PDE1A: variants seen among roughly 807,000 people sequenced by gnomAD.
The protein encoded by PDE1A is phosphodiesterase 1A, also known as dual specificity calcium/calmodulin-dependent 3',5'-cyclic nucleotide phosphodiesterase 1A.
PDE1A carries 35 observed loss-of-function variants against 61.7 expected under a neutral mutation model. The observed-to-expected ratio is 0.57, with a 90% CI of 0.43 to 0.75. The LOEUF (loss-of-function observed/expected upper bound fraction) is 0.75. Ranked by LOEUF, PDE1A falls within the 30% of genes least tolerant of loss-of-function variation. PDE1A has a pLI of 0.00. For synonymous variants in PDE1A, 232 were observed against 213.2 expected (o/e 1.09, Z -0.77); for missense variants, 597 against 630.6 (o/e 0.95, Z 0.57).
At chr2:182,300,439 C>T (rs1049669140) in intron 1 of PDE1A, among the ~76,000 whole-genome samples, 6 of 152,168 alleles carry the variant, frequency 3.9e-5, no homozygotes, top group Non-Finnish European at 7.4e-5. Flanking sequence ...TAGATCCTCA[C>T]TCTGTGATAT....
Position 182,480,669 on chromosome 2 carries a change from T to C in PDE1A, c.101+41607A>G, listed in dbSNP as rs905729395. On this transcript the variant is annotated intron_variant, in intron 2 of 14. Coordinates refer to the PDE1A transcript ENST00000410103. ...TTTAAAGTATACAGGAGAATGGGTGTAGGTTATATGCAAATACTATGACAC... is the reference window on the plus strand; with the variant it reads ...TTTAAAGTATACAGGAGAATGGGTGCAGGTTATATGCAAATACTATGACAC... Among the ~76,000 whole-genome samples the C allele has an allele frequency of 3.3e-5, 5 of 152,080 alleles. No homozygotes were observed. The South Asian group carries it at 8.3e-4, about 25-fold the overall frequency.
At chr2:182,677,007 G>A in the PDE1A span, among the ~76,000 whole-genome samples, 34 of 152,142 alleles carry the variant, frequency 2.2e-4, no homozygotes, top group South Asian at 4.1e-4. Context: ...ACTGGCACAA[G>A]ACAAGGATGC....
At chr2:182,468,099 G>A (rs1027316724) in intron 2 of PDE1A, among the ~76,000 whole-genome samples, 6 of 151,914 alleles carry the variant, frequency 3.9e-5, no homozygotes, top group African/African-American at 9.7e-5. Flanking sequence ...TGATCAGGAC[G>A]GTGGTTGCTG....
chr2:182,270,333 C>G (rs1424152112), intron 1 of PDE1A, among the ~76,000 whole-genome samples: 2 of 152,034 alleles, frequency 1.3e-5, no homozygotes, highest in Non-Finnish European at 2.9e-5. Context: ...CTGCTACATT[C>G]CAAATGAAAA....
chr2:182,494,720 C>G (rs936288606), intron 2 of PDE1A, among the ~76,000 whole-genome samples: 4 of 151,990 alleles, frequency 2.6e-5, no homozygotes, highest in African/African-American at 9.7e-5. Context: ...TCTGAAAAGC[C>G]TTACCCTCCC....
intron 2 of PDE1A, among the ~76,000 whole-genome samples, chr2:182,515,222 C>A (rs1690056610): frequency 6.6e-6 from 1 of 152,194 alleles, no homozygotes; most frequent in Non-Finnish European, 1.5e-5. Context: ...ATTCTGGTCA[C>A]TTCTTACTGC....
intron 2 of PDE1A, among the ~76,000 whole-genome samples, chr2:182,503,447 G>A (rs1387719953): frequency 6.6e-6 from 1 of 152,182 alleles, no homozygotes; most frequent in African/African-American, 2.4e-5. Flanking sequence ...AAGGCTTGCT[G>A]GATCTTGGGT....
At chr2:182,608,861 G>T in the PDE1A span, among the ~76,000 whole-genome samples, 1 of 152,250 alleles carries the variant, frequency 6.6e-6, no homozygotes, top group African/African-American at 2.4e-5. Context: ...CTGGGCTCCT[G>T]AGTCTGGTGG....
At chr2:182,358,673 C>T (rs886110498) in intron 1 of PDE1A, among the ~76,000 whole-genome samples, 1 of 152,130 alleles carries the variant, frequency 6.6e-6, no homozygotes, top group East Asian at 1.9e-4. Context: ...TAATAGCTAA[C>T]ATTTTTTGAA....
chr2:182,435,546 G>A (rs749231623), intron 2 of PDE1A, among the ~76,000 whole-genome samples: 21 of 152,028 alleles, frequency 1.4e-4, no homozygotes, highest in Non-Finnish European at 2.1e-4. Flanking sequence ...TAAAAAGAGG[G>A]GTTGTAATTA....
At chr2:182,231,645 G>A (rs938367982) in intron 4 of PDE1A, among the ~76,000 whole-genome samples, 2 of 152,170 alleles carry the variant, frequency 1.3e-5, no homozygotes, top group Non-Finnish European at 2.9e-5. Context: ...GCCTGGTGTG[G>A]TGGCTCATGC....
intron 1 of PDE1A, among the ~76,000 whole-genome samples, chr2:182,364,772 A>G (rs542871918): frequency 3.9e-4 from 59 of 152,182 alleles, no homozygotes; most frequent in Middle Eastern, 6.8e-3. Context: ...TTACAACACA[A>G]TAAACATAAA....
At chr2:182,390,657 G>A (rs1701367799) in intron 1 of PDE1A, among the ~76,000 whole-genome samples, 2 of 152,198 alleles carry the variant, frequency 1.3e-5, no homozygotes, top group Admixed American at 1.3e-4. Flanking sequence ...CCCTTATCGT[G>A]TGAGTGGCTG....
chr2:182,154,842 T>C (rs1250686398), intron 13 of PDE1A, among the ~76,000 whole-genome samples: 1 of 152,178 alleles, frequency 6.6e-6, no homozygotes, highest in Non-Finnish European at 1.5e-5. Context: ...CATTTCTCAA[T>C]TTACAAGTTA....
At chr2:182,625,389 G>A in the PDE1A span, among the ~76,000 whole-genome samples, 15 of 152,316 alleles carry the variant, frequency 9.8e-5, no homozygotes, top group Non-Finnish European at 1.8e-4. Flanking sequence ...ACAGAGATTG[G>A]AGAAATAGGT....
At chr2:182,160,030 A>C (rs958141328) in intron 13 of PDE1A, among the ~76,000 whole-genome samples, 2 of 152,194 alleles carry the variant, frequency 1.3e-5, no homozygotes, top group African/African-American at 4.8e-5. Flanking sequence ...AATCCTCCTA[A>C]CAGCTCTTGA....
At chr2:182,537,522 T>G in the PDE1A span, among the ~76,000 whole-genome samples, 10 of 152,010 alleles carry the variant, frequency 6.6e-5, no homozygotes, top group African/African-American at 2.4e-4. Flanking sequence ...AGGGGAGGGA[T>G]AGCATTAGGA....
chr2:182,506,980 C>T (rs1410215600), intron 2 of PDE1A, among the ~76,000 whole-genome samples: 1 of 152,186 alleles, frequency 6.6e-6, no homozygotes, highest in Non-Finnish European at 1.5e-5. Context: ...TACACAGCTG[C>T]TGAAGGAGCA....
At chr2:182,543,891 G>A in the PDE1A span, among the ~76,000 whole-genome samples, 1 of 152,072 alleles carries the variant, frequency 6.6e-6, no homozygotes, top group Non-Finnish European at 1.5e-5. Context: ...AGCACCATAT[G>A]GGCTTCTAAA....
Sources: gnomAD v4.1 joint callset for allele counts (sites outside exome capture counted in the v4.1 genomes callset) on GRCh38, gnomAD v4.1.1 for gene constraint, MANE v1.5 for transcripts, NCBI Gene and HGNC (gene_info 2026-07-23, HGNC 2026-07-21) for gene names.